The following ETNK1 variants were observed in gnomAD, a reference collection of about 807,000 sequenced individuals.
ETNK1 encodes the protein putative protein product of Nbla10396.
In ETNK1, 8 loss-of-function variants were observed where a neutral mutation model predicts 45.1. The observed-to-expected ratio is 0.18, with a 90% CI of 0.10 to 0.32. ETNK1 has a LOEUF of 0.32. Ranked by LOEUF, ETNK1 falls within the 10% of genes least tolerant of loss-of-function variation. The pLI is 1.00. For missense variants in ETNK1, 302 were observed against 430.6 expected (o/e 0.70, Z 2.64); for synonymous variants, 152 against 151.9 (o/e 1.00, Z -0.01).
intron 6 of ETNK1, among the ~76,000 whole-genome samples, chr12:22,677,657 C>T (rs1189197967): frequency 6.6e-6 from 1 of 152,158 alleles, no homozygotes; most frequent in Non-Finnish European, 1.5e-5. Flanking sequence ...GAATGTTTTT[C>T]CATTTGTGCA....
intron 1 of ETNK1, among the ~76,000 whole-genome samples, chr12:22,642,911 C>T (rs1160914541): frequency 2.0e-5 from 3 of 151,954 alleles, no homozygotes; most frequent in African/African-American, 7.2e-5. Flanking sequence ...ACTTTTATAA[C>T]TAGTATTGCT....
At chr12:22,627,914 A>G (rs1010508557) in intron 1 of ETNK1, among the ~76,000 whole-genome samples, 1 of 152,136 alleles carries the variant, frequency 6.6e-6, no homozygotes, top group Non-Finnish European at 1.5e-5. Context: ...GCTAAAAAAG[A>G]CTTACTAGAG....
intron 2 of ETNK1, among the ~76,000 whole-genome samples, chr12:22,652,198 C>A (rs1231090612): frequency 1.3e-5 from 2 of 152,112 alleles, no homozygotes; most frequent in African/African-American, 4.8e-5. Flanking sequence ...TTTTCATTTT[C>A]TTTCAAGGCT....
At chr12:22,637,534 T>C (rs1334868343) in intron 1 of ETNK1, among the ~76,000 whole-genome samples, 1 of 152,236 alleles carries the variant, frequency 6.6e-6, no homozygotes, top group Non-Finnish European at 1.5e-5. Context: ...GTGTAGTATA[T>C]GTGCACATGT....
At chr12:22,651,646 A>AT (rs140942941) in intron 2 of ETNK1, among the ~76,000 whole-genome samples, 7,465 of 124,920 alleles carry the variant, frequency 0.06, 650 homozygotes, top group African/African-American at 0.21. Context: ...TTCCTAACAT[A>AT]TTTTTTTTTT....
chr12:22,625,644 C>A, intron 1 of ETNK1, 58 bp downstream of exon 1: 1 of 1,516,516 alleles, frequency 6.6e-7, no homozygotes. Context: ...TCTGGGGGTC[C>A]TCACCACAAT....
chr12:22,661,943 T>C (rs1415404166), intron 4 of ETNK1, among the ~76,000 whole-genome samples: 1 of 152,036 alleles, frequency 6.6e-6, no homozygotes, highest in Non-Finnish European at 1.5e-5. Flanking sequence ...AAATGATAGA[T>C]GCCCTTCAAT....
chr12:22,643,946 A>C lies in ETNK1; in HGVS notation c.340A>C (p.Asn114His). The C allele has an allele frequency of 6.2e-7, 1 of 1,613,444 alleles. No individual in the cohort carries two copies. Among genetic ancestry groups the C allele is most frequent in the South Asian group, 1.1e-5 (1 of 91,044 alleles). ...GCAPQLYCTF[N>H]NGLCYEFIQG... is the part of the protein sequence containing the mutation. Reference sequence around the variant, plus strand: ...TGCACCACAACTCTACTGTACCTTCAATAATGGACTATGCTATGAATTTAT... The same window carrying C: ...TGCACCACAACTCTACTGTACCTTCCATAATGGACTATGCTATGAATTTAT... The change falls in exon 2 of 8, where the codon AAT becomes CAT. Residue 114 changes from asparagine to histidine, a missense_variant. By Grantham distance (68) the Asn-to-His change is moderately conservative. Coordinates refer to ENST00000266517, the MANE Select transcript of ETNK1 (RefSeq NM_018638.5).
At chr12:22,651,600 A>G (rs943779085) in intron 2 of ETNK1, among the ~76,000 whole-genome samples, 5 of 151,624 alleles carry the variant, frequency 3.3e-5, no homozygotes, top group South Asian at 2.1e-4. Context: ...ATACAGCTCA[A>G]TAGTGTTATT....
intron 1 of ETNK1, among the ~76,000 whole-genome samples, chr12:22,632,629 G>A (rs910232955): frequency 6.6e-6 from 1 of 151,744 alleles, no homozygotes; most frequent in Non-Finnish European, 1.5e-5. Flanking sequence ...TTCTACATCA[G>A]CGTCCAGAGT....
intron 1 of ETNK1, among the ~76,000 whole-genome samples, chr12:22,635,644 T>C (rs533642420): frequency 6.6e-6 from 1 of 152,332 alleles, no homozygotes; most frequent in South Asian, 2.1e-4. Flanking sequence ...TTTATCTCAC[T>C]CATTTTACAT....
At chr12:22,655,431 G>A (rs1217065961) in intron 2 of ETNK1, among the ~76,000 whole-genome samples, 1 of 148,410 alleles carries the variant, frequency 6.7e-6, no homozygotes, top group Admixed American at 6.9e-5. Context: ...CCGCCGCCTG[G>A]GTTCAAGCAA....
intron 1 of ETNK1, among the ~76,000 whole-genome samples, chr12:22,628,806 A>G (rs1420197839): frequency 3.9e-5 from 6 of 152,094 alleles, no homozygotes; most frequent in African/African-American, 9.7e-5. Flanking sequence ...ATAGGTAGGA[A>G]TTAATACCGT....
At chr12:22,683,109 G>A (rs1204768419) in intron 6 of ETNK1, among the ~76,000 whole-genome samples, 1 of 152,042 alleles carries the variant, frequency 6.6e-6, no homozygotes, top group African/African-American at 2.4e-5. Flanking sequence ...GGAAATAAAC[G>A]CACCACGTGA....
chr12:22,682,231 C>G (rs751322003), intron 6 of ETNK1: 2 of 448,788 alleles, frequency 4.5e-6, no homozygotes, highest in East Asian at 5.8e-5. Flanking sequence ...TATTGAGAAG[C>G]TGTTAAGCTC....
intron 4 of ETNK1, among the ~76,000 whole-genome samples, chr12:22,662,340 G>A (rs1211558769): frequency 1.4e-5 from 2 of 146,988 alleles, no homozygotes; most frequent in South Asian, 2.2e-4. Flanking sequence ...CGCCCACCTC[G>A]GCCTCCCAAA....
intron 6 of ETNK1, among the ~76,000 whole-genome samples, chr12:22,681,689 C>G (rs548364895): frequency 1.3e-5 from 2 of 151,804 alleles, no homozygotes; most frequent in Non-Finnish European, 1.5e-5. Context: ...AAATAGAATA[C>G]TATTTTTCAA....
intron 1 of ETNK1, among the ~76,000 whole-genome samples, chr12:22,642,768 T>C (rs190228115): frequency 1.2e-3 from 187 of 152,222 alleles, no homozygotes; most frequent in South Asian, 3.1e-3. Flanking sequence ...TCTGAATTCT[T>C]GCTTTCGCTT....
chr12:22,651,886 A>G (rs906520692), intron 2 of ETNK1, among the ~76,000 whole-genome samples: 4 of 151,926 alleles, frequency 2.6e-5, no homozygotes, highest in East Asian at 1.9e-4. Flanking sequence ...GGGTTTCACC[A>G]TGTTGGCCAG....
Sources: allele counts gnomAD v4.1 joint callset (sites outside exome capture counted in the v4.1 genomes callset), GRCh38; gene constraint gnomAD v4.1.1; transcripts MANE v1.5; gene names NCBI Gene and HGNC (gene_info 2026-07-23, HGNC 2026-07-21).